The following GALK1 variants were observed in gnomAD, a reference collection of about 807,000 sequenced individuals.
GALK1 encodes galactokinase.
A neutral mutation model predicts 38.6 loss-of-function variants in GALK1; 30 were observed. That is an observed-to-expected ratio of 0.78 (90% CI 0.58 to 1.05). The LOEUF (loss-of-function observed/expected upper bound fraction) is 1.05. GALK1 is among the 50% of genes least tolerant of loss of function. The pLI is 0.00. For missense variants in GALK1, 512 were observed against 540.5 expected (o/e 0.95, Z 0.52); for synonymous variants, 240 against 233.6 (o/e 1.03, Z -0.25).
chr17:75,763,368 C>T lies in GALK1; in HGVS notation c.427G>A (p.Ala143Thr), dbSNP rs988018523. ...VPLGGGLSSS[A>T]SLEVATYTFL... ...GTGTACGTGGCCACTTCCAAGGATG[C>T]TGAGCTGGACAGGCCACCCCCCAGG... Residue 143 changes from alanine (A) to threonine (T), a missense_variant, in exon 3 of 8, where the codon GCA becomes ACA. Physicochemically the swap from Ala to Thr is moderately conservative, Grantham distance 58. Transcript: ENST00000588479. 2 of 1,613,852 alleles carry T rather than the reference C, an allele frequency of 1.2e-6. No individual in the cohort carries two copies. The highest frequency in any genetic ancestry group is 8.5e-7 in the Non-Finnish European group (1 of 1,179,966).
At chr17:75,758,863 G>A (rs2061571182) in intron 5 of GALK1, among the ~76,000 whole-genome samples, 1 of 152,228 alleles carries the variant, frequency 6.6e-6, no homozygotes, top group African/African-American at 2.4e-5. Context: ...CAAGGTGAGT[G>A]CTGCCCTCAA....
intron 8 of GALK1, chr17:75,752,708 C>A: frequency 1.8e-6 from 2 of 1,141,656 alleles, no homozygotes; most frequent in Non-Finnish European, 2.5e-6. Flanking sequence ...TGGACAAATG[C>A]AATGGAGTGC....
downstream of GALK1, chr17:75,755,935 C>A: frequency 6.7e-7 from 1 of 1,494,674 alleles, no homozygotes; most frequent in Non-Finnish European, 9.0e-7. Context: ...TCAGCTGTGT[C>A]AGGAACCCAC....
At chr17:75,759,903 T>C (rs1219392748) in intron 5 of GALK1, among the ~76,000 whole-genome samples, 1 of 152,142 alleles carries the variant, frequency 6.6e-6, no homozygotes, top group Non-Finnish European at 1.5e-5. Context: ...AGCTAATCTG[T>C]CCAGATGGGG....
chr17:75,761,688 G>A, intron 5 of GALK1, among the ~76,000 whole-genome samples: 1 of 143,458 alleles, frequency 7.0e-6, no homozygotes. Flanking sequence ...AGATAAGATA[G>A]GGTTCTGGGT....
At chr17:75,751,689 C>A in exon 9 of GALK1, 1 of 220,990 alleles carries the variant, frequency 4.5e-6, no homozygotes, top group Non-Finnish European at 9.2e-6. Context: ...TGCAGTGAAC[C>A]GAGATCGTGT....
Position 75,763,437 on chromosome 17 carries a change from C to G in GALK1, c.358G>C (p.Ala120Pro). 2 of 1,595,536 alleles carry G rather than the reference C, an allele frequency of 1.3e-6. No homozygotes were observed. The highest frequency in any genetic ancestry group is 1.7e-6 in the Non-Finnish European group (2 of 1,171,472). ...VKGVIQYYPA[A>P]PLPGFSAVVV... ...ACTGCACTGAAGCCAGGGAGGGGGGCAGCTGCAGGGGAAAGAACAGGTGAT... is the reference window on the plus strand; with the variant it reads ...ACTGCACTGAAGCCAGGGAGGGGGGGAGCTGCAGGGGAAAGAACAGGTGAT... The change falls in exon 3 of 8, where the codon GCC becomes CCC. Residue 120 changes from alanine (A) to proline (P), a missense_variant and splice_region_variant. Physicochemically the swap from Ala to Pro is conservative, Grantham distance 27. Transcript: ENST00000588479.
chr17:75,764,862 G>T, intron 1 of GALK1, 110 bp downstream of exon 1: 1 of 1,232,808 alleles, frequency 8.1e-7, no homozygotes, highest in Non-Finnish European at 1.1e-6. Flanking sequence ...GCAGCTGCCC[G>T]CCCCACATCT....
chr17:75,754,736 C>T (rs2061447801), downstream of GALK1: 1 of 1,614,056 alleles, frequency 6.2e-7, no homozygotes, highest in East Asian at 2.2e-5. Context: ...GGGACTACAA[C>T]TCACTGACCC....
At chr17:75,759,155 C>T (rs538853564) in intron 5 of GALK1, among the ~76,000 whole-genome samples, 34 of 152,244 alleles carry the variant, frequency 2.2e-4, no homozygotes, top group South Asian at 6.2e-4. Context: ...TGGGTGGGCG[C>T]GGTGGCTCAC....
At chr17:75,757,667 T>TG (rs748388413), downstream of GALK1, 9 of 1,449,624 alleles carry the variant, frequency 6.2e-6, no homozygotes, top group Non-Finnish European at 8.7e-6. Flanking sequence ...CCCACCCGCA[T>TG]GCACAGAGCA....
chr17:75,762,574 G>C, intron 5 of GALK1, 130 bp downstream of exon 5: 1 of 979,606 alleles, frequency 1.0e-6, no homozygotes, highest in East Asian at 2.4e-5. Flanking sequence ...GGTGCGCAGT[G>C]TTTGAAGGGA....
intron 1 of GALK1, 94 bp downstream of exon 1, chr17:75,764,878 G>T: frequency 7.2e-7 from 1 of 1,387,610 alleles, no homozygotes; most frequent in South Asian, 1.3e-5. Context: ...CATCTCCCGC[G>T]GGAAGAACTC....
At chr17:75,753,977 G>T, downstream of GALK1, 1 of 1,239,062 alleles carries the variant, frequency 8.1e-7, no homozygotes, top group African/African-American at 1.6e-5. Flanking sequence ...CCCCGGAGGT[G>T]ACAGGCTCAC....
chr17:75,756,905 A>C (rs202126187), downstream of GALK1: 2 of 1,612,072 alleles, frequency 1.2e-6, no homozygotes, highest in Non-Finnish European at 1.7e-6. Context: ...AGGGGTAAAG[A>C]GGGGGCCGCA....
rs2061561589 is a variant in GALK1 at position 75,758,130 on chromosome 17, G to A, written c.1108-3C>T. Reference sequence around the variant, plus strand: ...GTGGCAGTCCCGCCGTAGTGCTCCTGTAAGAGGCGGGCTGGGGGTGAGTGG... The same window carrying A: ...GTGGCAGTCCCGCCGTAGTGCTCCTATAAGAGGCGGGCTGGGGGTGAGTGG... On this transcript the variant is annotated splice_region_variant and splice_polypyrimidine_tract_variant and intron_variant, in intron 7 of 7. Transcript: ENST00000588479. The A allele has an allele frequency of 8.7e-6, 14 of 1,612,634 alleles. No homozygotes were observed. The highest frequency in any genetic ancestry group is 1.2e-5 in the Non-Finnish European group (14 of 1,179,892).
intron 8 of GALK1, chr17:75,752,094 G>A (rs1039689416): frequency 1.2e-5 from 18 of 1,476,726 alleles, no homozygotes; most frequent in South Asian, 5.7e-5. Context: ...GGGGATGCAC[G>A]GCCGTCCTGC....
chr17:75,754,742 G>A (rs2061447939), downstream of GALK1: 1 of 1,612,494 alleles, frequency 6.2e-7, no homozygotes, highest in African/African-American at 1.3e-5. Context: ...ACAACTCACT[G>A]ACCCGCTCAG....
chr17:75,764,724 GC>G (rs1340925853), intron 1 of GALK1: 2 of 620,244 alleles, frequency 3.2e-6, no homozygotes, highest in South Asian at 1.8e-5. Flanking sequence ...AGGAGCCCCA[GC>G]CCCCAGAGGG....
Sources: allele counts gnomAD v4.1 joint callset (sites outside exome capture counted in the v4.1 genomes callset), GRCh38; gene constraint gnomAD v4.1.1; transcripts MANE v1.5; gene names NCBI Gene and HGNC (gene_info 2026-07-23, HGNC 2026-07-21).